Variants in IGF1R observed in about 807,000 individuals in gnomAD.
IGF1R encodes insulin like growth factor 1 receptor.
IGF1R carries 44 observed loss-of-function variants against 144.6 expected under a neutral mutation model. The observed-to-expected ratio is 0.30, with a 90% CI of 0.24 to 0.39. The LOEUF (loss-of-function observed/expected upper bound fraction) is 0.39, where lower values mean the gene tolerates loss of function less well. Ranked by LOEUF, IGF1R falls within the 10% of genes least tolerant of loss-of-function variation. The pLI, the probability that IGF1R is intolerant of heterozygous loss-of-function variation, is 1.00. For missense variants in IGF1R, 1,355 were observed against 1,833.7 expected (o/e 0.74, Z 4.77); for synonymous variants, 795 against 722.8 (o/e 1.10, Z -1.60).
At chr15:98,804,822 G>A (rs1053765211) in intron 2 of IGF1R, among the ~76,000 whole-genome samples, 1 of 152,170 alleles carries the variant, frequency 6.6e-6, no homozygotes, top group African/African-American at 2.4e-5. Context: ...AGCCTCCCGA[G>A]TAGCTGGAAC....
intron 2 of IGF1R, among the ~76,000 whole-genome samples, chr15:98,769,135 ATTTC>A (rs2141368564): frequency 6.6e-6 from 1 of 152,082 alleles, no homozygotes; most frequent in East Asian, 1.9e-4. Context: ...ATAAATATGT[ATTTC>A]TTTCAGTGCT....
intron 2 of IGF1R, among the ~76,000 whole-genome samples, chr15:98,801,640 A>G (rs987451115): frequency 7.9e-5 from 12 of 152,254 alleles, no homozygotes; most frequent in African/African-American, 1.9e-4. Context: ...CTGGGTTTGT[A>G]TCCTTGAGCA....
intron 2 of IGF1R, among the ~76,000 whole-genome samples, chr15:98,731,303 C>T (rs1042485912): frequency 2.0e-5 from 3 of 152,126 alleles, no homozygotes; most frequent in East Asian, 3.9e-4. Context: ...GGTCAAATCC[C>T]GAATACTTAT....
chr15:98,713,155 C>A lies in IGF1R; in HGVS notation c.640+5048C>A, dbSNP rs141033280. Reference sequence around the variant, plus strand: ...GAACTCTAGCCTTGCCTTTTCCTCTCAAGGATGTAAAGGCTCTGCAGATTT... The same window carrying A: ...GAACTCTAGCCTTGCCTTTTCCTCTAAAGGATGTAAAGGCTCTGCAGATTT... On this transcript the variant is annotated intron_variant, in intron 2 of 20. Coordinates refer to ENST00000650285, the MANE Select transcript of IGF1R (RefSeq NM_000875.5). 3.3e-3 allele frequency among the ~76,000 whole-genome samples: 506 copies of A among 152,130 alleles called. 4 individuals carry two copies. Among genetic ancestry groups the A allele is most frequent in the African/African-American group, 0.012 (489 of 41,490 alleles).
chr15:98,963,144 TATAA>T lies in IGF1R; in HGVS notation c.*5703_*5706del, dbSNP rs2017290870. ...ATAATTTTATAAAATGTTTGTAGTT[TATAA>T]TTGCCGAAAATAATTTAAAGACACT... On this transcript the variant is annotated 3_prime_UTR_variant, in exon 21 of 21. Transcript: ENST00000650285. 2 of 233,546 alleles carry T rather than the reference TATAA, an allele frequency of 8.6e-6. No individual in the cohort carries two copies. Among genetic ancestry groups the T allele is most frequent in the Non-Finnish European group, 1.7e-5 (2 of 118,052 alleles). 14.5% of individuals were successfully genotyped at this position (233,546 alleles called of 1,614,324 possible).
intron 2 of IGF1R, among the ~76,000 whole-genome samples, chr15:98,760,600 G>A (rs1426817725): frequency 6.6e-6 from 1 of 152,192 alleles, no homozygotes; most frequent in Non-Finnish European, 1.5e-5. Context: ...TGTCGCTGCG[G>A]CATTGCAGGC....
chr15:98,916,333 C>A (rs898383553), intron 9 of IGF1R, among the ~76,000 whole-genome samples: 2 of 146,852 alleles, frequency 1.4e-5, no homozygotes, highest in Non-Finnish European at 3.0e-5. Context: ...ACGATCATGG[C>A]TCACTGCAAT....
chr15:98,849,969 G>C (rs1163391249), intron 2 of IGF1R, among the ~76,000 whole-genome samples: 1 of 152,202 alleles, frequency 6.6e-6, no homozygotes, highest in Non-Finnish European at 1.5e-5. Context: ...ATCTATAGAG[G>C]AGAATTTGGC....
chr15:98,649,073 C>A lies in IGF1R; in HGVS notation c.-509C>A. The stretch of plus-strand genomic sequence containing the variant: ...GGGGAGCCGCTCATTCATTTTGACT[C>A]CGCGTTTCTGCCCCTCGCCGGCCTC... On this transcript the variant is annotated 5_prime_UTR_variant, in exon 1 of 21. Coordinates refer to ENST00000650285, the MANE Select transcript of IGF1R (RefSeq NM_000875.5). 1 of 219,800 alleles carries A rather than the reference C, an allele frequency of 4.5e-6. No individual in the cohort carries two copies. Among genetic ancestry groups the A allele is most frequent in the South Asian group, 1.8e-4 (1 of 5,698 alleles). 13.6% of individuals were successfully genotyped at this position (219,800 alleles called of 1,614,324 possible).
rs555293963 is a variant in IGF1R, at chr15:98,884,809, G to A, written c.641-6516G>A. On this transcript the variant is annotated intron_variant, in intron 2 of 20. Transcript: ENST00000650285. The stretch of plus-strand genomic sequence containing the variant: ...TGATCTGGGCTACTGAGGCTAGAAT[G>A]CACATCTGATCATGTGCCTCCTGCT... Among the ~76,000 whole-genome samples the A allele has an allele frequency of 7.8e-4, 119 of 151,874 alleles. 4 individuals carry two copies. The South Asian group carries it at 0.022, about 28-fold the overall frequency.
In IGF1R at chr15:98,704,729, G is replaced by A. The variant is rs910619893; in HGVS notation, c.95-2833G>A. Among the ~76,000 whole-genome samples the A allele has an allele frequency of 5.3e-5, 8 of 152,144 alleles. No homozygotes were observed. The highest frequency in any genetic ancestry group is 1.2e-4 in the African/African-American group (5 of 41,422). ...AGACCATGAAAAGAAGGGCCAGAGC[G>A]GTGTCCTGCAGAGGGTGGTGTACCT... On this transcript the variant is annotated intron_variant, in intron 1 of 20. Transcript: ENST00000650285. The surrounding 1 kb of genome is among the most constrained non-coding windows in gnomAD (Gnocchi z 4.9).
At chr15:98,897,898 T>G (rs1567184533) in intron 4 of IGF1R, among the ~76,000 whole-genome samples, 3 of 151,240 alleles carry the variant, frequency 2.0e-5, no homozygotes, top group Admixed American at 6.6e-5. Flanking sequence ...AAAGGAATTT[T>G]GGGGGGGGAA....
chr15:98,780,549 CAAAAAAAA>C (rs1192949160), intron 2 of IGF1R, among the ~76,000 whole-genome samples: 1 of 23,968 alleles, frequency 4.2e-5, no homozygotes, highest in African/African-American at 6.9e-5. Flanking sequence ...AACTCTGTCT[CAAAAAAAA>C]AAAAAAAAAA....
rs959352755 is a variant in IGF1R at position 98,964,284 on chromosome 15, A to G, written c.*6842A>G. 5 of 232,414 alleles carry G rather than the reference A, an allele frequency of 2.2e-5. No homozygotes were observed. Among genetic ancestry groups the G allele is most frequent in the Admixed American group, 5.6e-5 (1 of 17,738 alleles). The allele number at this position is 232,414 out of a possible 1,614,324, so 14.4% of individuals were successfully genotyped here. ...ACATAAAATGACTTTCTGTGTATAA[A>G]TTATTCCTAAAAAATCCTGTTTATA... On this transcript the variant is annotated 3_prime_UTR_variant, in exon 21 of 21. Coordinates refer to ENST00000650285, the MANE Select transcript of IGF1R (RefSeq NM_000875.5).
chr15:98,876,717 T>C (rs1211961262), intron 2 of IGF1R, among the ~76,000 whole-genome samples: 1 of 152,212 alleles, frequency 6.6e-6, no homozygotes, highest in Non-Finnish European at 1.5e-5. Context: ...TAAATATAAG[T>C]TCCATGTATT....
chr15:98,939,436 C>A (rs985360172), intron 18 of IGF1R, 76 bp downstream of exon 18: 1 of 1,438,984 alleles, frequency 6.9e-7, no homozygotes, highest in Non-Finnish European at 9.8e-7. Flanking sequence ...ATTAGTCTGC[C>A]CCTGGAGAGG....
chr15:98,667,441 A>G (rs751988947), intron 1 of IGF1R, among the ~76,000 whole-genome samples: 1 of 152,230 alleles, frequency 6.6e-6, no homozygotes, highest in South Asian at 2.1e-4. Flanking sequence ...GCATCCTAAA[A>G]GTAGAAAAGG....
intron 6 of IGF1R, among the ~76,000 whole-genome samples, chr15:98,909,518 C>G (rs2014906985): frequency 6.6e-6 from 1 of 152,196 alleles, no homozygotes; most frequent in African/African-American, 2.4e-5. Flanking sequence ...CTCAGCCTCC[C>G]AAAGTGCTGG....
chr15:98,852,954 G>C (rs2011602821), intron 2 of IGF1R, among the ~76,000 whole-genome samples: 1 of 152,144 alleles, frequency 6.6e-6, no homozygotes, highest in Admixed American at 6.5e-5. Context: ...TGTGGGACAG[G>C]TCATGCTTTA....
Sources: gnomAD v4.1 joint callset for allele counts (sites outside exome capture counted in the v4.1 genomes callset) on GRCh38, gnomAD v4.1.1 for gene constraint, Gnocchi (gnomAD v3.1) non-coding constraint, MANE v1.5 for transcripts, NCBI Gene and HGNC (gene_info 2026-07-23, HGNC 2026-07-21) for gene names.